Variants in KHDC1 observed in about 807,000 individuals in gnomAD.
KHDC1 encodes the protein KH domain containing 1.
In KHDC1, 21 loss-of-function variants were observed where a neutral mutation model predicts 24.7. The ratio of observed to expected loss-of-function variants is 0.85; its 90% CI spans 0.60 to 1.23. The LOEUF (loss-of-function observed/expected upper bound fraction) is 1.23, where lower values mean the gene tolerates loss of function less well. KHDC1 is among the 50% of genes most tolerant of loss of function. The pLI is 0.00. For synonymous variants in KHDC1, 98 were observed against 111.7 expected, an observed-to-expected ratio of 0.88 and a Z score of 0.77; for missense variants, 274 against 298.5, an observed-to-expected ratio of 0.92 and a Z score of 0.61.
At chr6:73,277,564 G>A (rs896318911) in intron 2 of KHDC1, among the ~76,000 whole-genome samples, 1 of 152,022 alleles carries the variant, frequency 6.6e-6, no homozygotes. Context: ...TTAAAATATC[G>A]CTTGGGCCAA....
chr6:73,256,130 G>A (rs1030971088), intron 2 of KHDC1, among the ~76,000 whole-genome samples: 1 of 152,080 alleles, frequency 6.6e-6, no homozygotes, highest in Non-Finnish European at 1.5e-5. Flanking sequence ...TAGTAATTTC[G>A]AATGTGCTTC....
chr6:73,301,919 G>A (rs1767885375), intron 1 of KHDC1, among the ~76,000 whole-genome samples: 1 of 152,104 alleles, frequency 6.6e-6, no homozygotes, highest in South Asian at 2.1e-4. Context: ...ATCAGCCACT[G>A]CACCCTGTCT....
intron 2 of KHDC1, among the ~76,000 whole-genome samples, chr6:73,280,811 T>C (rs1346012085): frequency 6.6e-6 from 1 of 150,840 alleles, no homozygotes; most frequent in Admixed American, 6.6e-5. Flanking sequence ...TGAGCCACCA[T>C]GCCCAACCTA....
chr6:73,250,906 C>G (rs1161290796), intron 2 of KHDC1, among the ~76,000 whole-genome samples: 1 of 152,180 alleles, frequency 6.6e-6, no homozygotes, highest in Admixed American at 6.5e-5. Flanking sequence ...GTGGTGCAAT[C>G]TTGGCTCACT....
rs955477294 is a variant in KHDC1, at chr6:73,273,741, C to A, written c.206+18257G>T. Among the ~76,000 whole-genome samples, 3 of 152,002 alleles carry A rather than the reference C, an allele frequency of 2.0e-5. No individual in the cohort carries two copies. The East Asian group carries it at 5.9e-4, about 30-fold the overall frequency. On this transcript the variant is annotated intron_variant, in intron 2 of 4. Coordinates refer to ENST00000370384, the Ensembl canonical transcript of KHDC1. ...TGAGGAGGCAGGAGAATGGCGTGAA[C>A]CCGGGAGGTGGAGCTTGCAGTGAGC...
At chr6:73,292,104 C>T in intron 1 of KHDC1, 1 of 1,603,936 alleles carries the variant, frequency 6.2e-7, no homozygotes, top group Non-Finnish European at 8.5e-7. Context: ...CTTAGTGATG[C>T]CAACATGGTA....
Position 73,286,620 on chromosome 6 carries a change from G to A in KHDC1, c.206+5378C>T, listed in dbSNP as rs143253350. Among the ~76,000 whole-genome samples, 3 of 152,242 alleles carry A rather than the reference G, an allele frequency of 2.0e-5. No homozygotes were observed. In the East Asian group the frequency reaches 5.8e-4, roughly 29 times the overall value. ...GATGGGGCAGAGCATGGTGGCTCAC[G>A]TCTACAATCCCAGCACTTTGGGAGG... On this transcript the variant is annotated intron_variant, in intron 2 of 4. Coordinates refer to ENST00000370384, the Ensembl canonical transcript of KHDC1.
At chr6:73,262,692 T>C (rs1446983225) in intron 2 of KHDC1, 82 bp downstream of exon 1, 1 of 974,032 alleles carries the variant, frequency 1.0e-6, no homozygotes, top group Non-Finnish European at 1.2e-6. Context: ...TTTACACTTC[T>C]TTGCAGCTCA....
intron 2 of KHDC1, among the ~76,000 whole-genome samples, chr6:73,259,377 G>C (rs1766939159): frequency 7.1e-6 from 1 of 141,340 alleles, no homozygotes; most frequent in Non-Finnish European, 1.5e-5. Flanking sequence ...TAGTGCACTA[G>C]CCTGGAGTTC....
At chr6:73,303,352 A>C (rs1462966770) in intron 1 of KHDC1, among the ~76,000 whole-genome samples, 1 of 152,094 alleles carries the variant, frequency 6.6e-6, no homozygotes, top group Non-Finnish European at 1.5e-5. Context: ...AGAGAGAGAG[A>C]GAAAATCACC....
intron 2 of KHDC1, among the ~76,000 whole-genome samples, chr6:73,290,086 A>G (rs7758572): frequency 0.18 from 22,899 of 128,614 alleles, 3,035 homozygotes; most frequent in African/African-American, 0.32. Context: ...CGGCCTGGGC[A>G]ACAGAGCGAG....
chr6:73,304,357 AATACATACAT>A (rs1365051549), intron 1 of KHDC1, among the ~76,000 whole-genome samples: 1 of 152,236 alleles, frequency 6.6e-6, no homozygotes, highest in Non-Finnish European at 1.5e-5. Context: ...CACACATTAA[AATACATACAT>A]ATACATACAT....
At chr6:73,241,373 C>T (rs1317237900) in exon 5 of KHDC1, 2 of 663,982 alleles carry the variant, frequency 3.0e-6, no homozygotes, top group African/African-American at 3.6e-5. Flanking sequence ...TTCTTACATT[C>T]AAGAGACTTC....
At chr6:73,248,389 A>G (rs185624364) in intron 2 of KHDC1, among the ~76,000 whole-genome samples, 21 of 147,080 alleles carry the variant, frequency 1.4e-4, no homozygotes, top group African/African-American at 4.6e-4. Flanking sequence ...TCTCTCCTCT[A>G]TCTGTCTCTC....
chr6:73,242,406 C>T (rs746702488), exon 3 of KHDC1: 10 of 1,614,126 alleles, frequency 6.2e-6, no homozygotes, highest in Middle Eastern at 1.6e-4. Flanking sequence ...GGCCACTCAC[C>T]GAAGATGAGC....
At chr6:73,246,460 C>T (rs947487855) in intron 2 of KHDC1, among the ~76,000 whole-genome samples, 6 of 152,088 alleles carry the variant, frequency 3.9e-5, no homozygotes, top group Non-Finnish European at 7.4e-5. Flanking sequence ...TTCCCTAAAA[C>T]AGGTCAAATG....
rs528901145 is a variant in KHDC1, at chr6:73,270,396, A to G, written c.206+21602T>C. 3.3e-5 allele frequency: 5 copies of G among 152,292 alleles called. No homozygotes were observed. In the South Asian group the frequency reaches 1.0e-3, roughly 32 times the overall value. 9.4% of individuals were successfully genotyped at this position (152,292 alleles called of 1,614,324 possible). A position where few individuals can be genotyped will look rare whatever the true frequency, so the allele number is the denominator to read the frequency against. On this transcript the variant is annotated intron_variant, in intron 2 of 4. Transcript: ENST00000370384. ...TTAAAATTTTTACATGGTTTAACCC[A>G]GGAGGCAGAGGTTGCAGTGAGCTGA...
intron 2 of KHDC1, among the ~76,000 whole-genome samples, chr6:73,266,046 A>G (rs896744576): frequency 4.6e-5 from 7 of 152,186 alleles, no homozygotes; most frequent in Non-Finnish European, 1.0e-4. Flanking sequence ...ATTGACAAAA[A>G]GCATGCCATA....
At chr6:73,257,362 C>A (rs538158714) in intron 2 of KHDC1, among the ~76,000 whole-genome samples, 1 of 152,264 alleles carries the variant, frequency 6.6e-6, no homozygotes, top group East Asian at 1.9e-4. Flanking sequence ...CTAACAATAG[C>A]AACCAATTGA....
Sources: gnomAD v4.1 joint callset for allele counts (sites outside exome capture counted in the v4.1 genomes callset) on GRCh38, gnomAD v4.1.1 for gene constraint, MANE v1.5 for transcripts, NCBI Gene and HGNC (gene_info 2026-07-23, HGNC 2026-07-21) for gene names.